The following PCDH11Y variants were observed in gnomAD, a reference collection of about 807,000 sequenced individuals.
PCDH11Y encodes the protein protocadherin-11 Y-linked.
For synonymous variants in PCDH11Y, 9 were observed against 83.6 expected, an observed-to-expected ratio of 0.11 and a Z score of 4.87; for missense variants, 12 against 224.8, an observed-to-expected ratio of 0.05 and a Z score of 6.05.
intron 2 of PCDH11Y, among the ~76,000 whole-genome samples, chrY:5,213,802 GA>G (rs35202206): frequency 3.5e-5 from 1 of 28,927 alleles, no homozygotes; most frequent in Non-Finnish European, 8.4e-5. Context: ...CATTTCTTGT[GA>G]AAAAAAAAAG....
chrY:5,131,261 G>C (rs2052833654), intron 2 of PCDH11Y, among the ~76,000 whole-genome samples: 1 of 32,804 alleles, frequency 3.0e-5, no homozygotes, highest in Non-Finnish European at 7.5e-5. Flanking sequence ...CATTAAAGTG[G>C]AGTCAAAATT....
At chrY:5,656,440 A>ATT (rs1219341715) in intron 4 of PCDH11Y, among the ~76,000 whole-genome samples, 1 of 24,207 alleles carries the variant, frequency 4.1e-5, no homozygotes, top group African/African-American at 1.6e-4. Context: ...CCGTTTGTCC[A>ATT]TTTTTTTTTT....
At chrY:5,420,904 T>TAA (rs199715244) in intron 2 of PCDH11Y, among the ~76,000 whole-genome samples, 1 of 24,236 alleles carries the variant, frequency 4.1e-5, no homozygotes, top group Non-Finnish European at 9.6e-5. Context: ...TAATAATAAT[T>TAA]AAAAAAAAAA....
intron 2 of PCDH11Y, among the ~76,000 whole-genome samples, chrY:5,197,300 G>A (rs2052919877): frequency 3.1e-5 from 1 of 32,076 alleles, no homozygotes; most frequent in Non-Finnish European, 7.6e-5. Context: ...GATATGCGGC[G>A]TTATTTCTGA....
At chrY:5,368,621 C>T (rs2053183700) in intron 2 of PCDH11Y, among the ~76,000 whole-genome samples, 1 of 33,916 alleles carries the variant, frequency 2.9e-5, no homozygotes, top group Non-Finnish European at 7.4e-5. Context: ...GGTTGGAGCC[C>T]CCACACAGAA....
At chrY:5,402,076 A>G (rs2124677148) in intron 2 of PCDH11Y, among the ~76,000 whole-genome samples, 1 of 33,359 alleles carries the variant, frequency 3.0e-5, no homozygotes, top group East Asian at 7.8e-4. Flanking sequence ...CCAATGTTGT[A>G]GGAGGGACCT....
chrY:5,537,697 T>G, intron 3 of PCDH11Y, among the ~76,000 whole-genome samples: 4 of 32,785 alleles, frequency 1.2e-4, no homozygotes, highest in African/African-American at 4.8e-4. Context: ...CATTTTCAAC[T>G]GAAGTTCTAG....
At chrY:5,340,357 A>G in intron 2 of PCDH11Y, among the ~76,000 whole-genome samples, 1 of 29,998 alleles carries the variant, frequency 3.3e-5, no homozygotes, top group African/African-American at 1.3e-4. Context: ...ACTGAGGGTG[A>G]GTTGGCCTTT....
chrY:5,482,485 A>T, intron 2 of PCDH11Y, among the ~76,000 whole-genome samples: 1 of 33,647 alleles, frequency 3.0e-5, no homozygotes, highest in Non-Finnish European at 7.3e-5. Flanking sequence ...ATAGACATTT[A>T]TCAATACATA....
chrY:5,448,919 T>A (rs2053290366), intron 2 of PCDH11Y, among the ~76,000 whole-genome samples: 1 of 33,592 alleles, frequency 3.0e-5, no homozygotes, highest in South Asian at 6.6e-4. Flanking sequence ...TCTAAATGAA[T>A]CTTCTCTTCG....
intron 2 of PCDH11Y, among the ~76,000 whole-genome samples, chrY:5,364,175 C>T (rs2053178060): frequency 3.1e-5 from 1 of 32,041 alleles, no homozygotes; most frequent in African/African-American, 1.2e-4. Flanking sequence ...AGTAGCTGCA[C>T]GTAAATGTAC....
chrY:5,057,293 T>C, exon 1 of PCDH11Y: 1 of 392,171 alleles, frequency 2.5e-6, no homozygotes, highest in African/African-American at 6.8e-5. Context: ...CTGGTTAAGA[T>C]ACGTTTTCTG....
intron 3 of PCDH11Y, among the ~76,000 whole-genome samples, chrY:5,520,953 G>C: frequency 6.7e-5 from 2 of 29,660 alleles, no homozygotes; most frequent in African/African-American, 2.7e-4. Flanking sequence ...ACATAGTCTT[G>C]ATAAAAATAA....
At chrY:5,648,943 G>C in intron 4 of PCDH11Y, among the ~76,000 whole-genome samples, 1 of 26,430 alleles carries the variant, frequency 3.8e-5, no homozygotes, top group African/African-American at 1.5e-4. Flanking sequence ...CTAATACAAG[G>C]AGATACTTTT....
chrY:5,541,755 CTTT>C (rs2053407429), intron 3 of PCDH11Y, among the ~76,000 whole-genome samples: 1 of 12,029 alleles, frequency 8.3e-5, no homozygotes, highest in Non-Finnish European at 1.8e-4. Flanking sequence ...TTCTTTCTTT[CTTT>C]CTATATTATA....
chrY:5,006,685 A>G lies in PCDH11Y; in HGVS notation c.-134+6080A>G, dbSNP rs2124617506. ...CATGTCATTGTCTGAGCAGAGTTCTATTATTTGAAGACTTTATTGATCATT... is the reference window on the plus strand; with the variant it reads ...CATGTCATTGTCTGAGCAGAGTTCTGTTATTTGAAGACTTTATTGATCATT... On this transcript the variant is annotated intron_variant, in intron 1 of 5. Coordinates refer to the PCDH11Y transcript ENST00000333703. 5.8e-4 allele frequency among the ~76,000 whole-genome samples: 20 copies of G among 34,235 alleles called. No homozygotes were observed. In the South Asian group the frequency reaches 0.013, roughly 22 times the overall value. 91.8% of individuals were successfully genotyped at this position (34,235 alleles called of 37,273 possible).
chrY:5,042,431 G>T, intron 3 of PCDH11Y, among the ~76,000 whole-genome samples: 1 of 19,842 alleles, frequency 5.0e-5, no homozygotes, highest in African/African-American at 2.0e-4. Context: ...GATATGCGGC[G>T]TTATTTCTGA....
chrY:5,365,296 T>C, intron 2 of PCDH11Y, among the ~76,000 whole-genome samples: 1 of 32,902 alleles, frequency 3.0e-5, no homozygotes, highest in South Asian at 6.8e-4. Context: ...AACCCACTTA[T>C]AGCAAGGTTT....
intron 2 of PCDH11Y, among the ~76,000 whole-genome samples, chrY:5,111,377 C>T: frequency 1.5e-4 from 5 of 34,053 alleles, no homozygotes; most frequent in Non-Finnish European, 2.9e-4. Flanking sequence ...GGATTACAGG[C>T]GTGAGCCAGC....
Sources: allele counts gnomAD v4.1 joint callset (sites outside exome capture counted in the v4.1 genomes callset), GRCh38; gene constraint gnomAD v4.1.1; transcripts MANE v1.5; gene names NCBI Gene and HGNC (gene_info 2026-07-23, HGNC 2026-07-21).